ADAMTSL1: variants seen among roughly 807,000 people sequenced by gnomAD.
ADAMTSL1 encodes ADAMTS like 1.
ADAMTSL1 carries 126 observed loss-of-function variants against 201.8 expected under a neutral mutation model. The observed-to-expected ratio is 0.62, with a 90% CI of 0.54 to 0.72. The LOEUF (loss-of-function observed/expected upper bound fraction) is 0.72, where lower values mean the gene tolerates loss of function less well. Ranked by LOEUF, ADAMTSL1 falls within the 30% of genes least tolerant of loss-of-function variation. The pLI, the probability that ADAMTSL1 is intolerant of heterozygous loss-of-function variation, is 0.00. For synonymous variants in ADAMTSL1, 1,121 were observed against 903.4 expected (o/e 1.24, Z -4.32); for missense variants, 2,679 against 2,277.8 (o/e 1.18, Z -3.59).
At chr9:18,355,248 A>C (rs892282351) in intron 2 of ADAMTSL1, among the ~76,000 whole-genome samples, 3 of 152,202 alleles carry the variant, frequency 2.0e-5, no homozygotes, top group Non-Finnish European at 2.9e-5. Context: ...AGTTATTTGA[A>C]GGTCCTTCAA....
At chr9:18,386,048 T>A (rs1379540584) in intron 2 of ADAMTSL1, among the ~76,000 whole-genome samples, 1 of 152,206 alleles carries the variant, frequency 6.6e-6, no homozygotes, top group South Asian at 2.1e-4. Flanking sequence ...CCGAAAACCA[T>A]TAATTCATCA....
chr9:18,330,570 C>T (rs956953460), intron 2 of ADAMTSL1, among the ~76,000 whole-genome samples: 1 of 152,086 alleles, frequency 6.6e-6, no homozygotes, highest in African/African-American at 2.4e-5. Context: ...TGTTGTATGC[C>T]AAGTGTGTGC....
rs1823862218 is a variant in ADAMTSL1, at chr9:18,816,583, A to C, written c.3806-526A>C. Among the ~76,000 whole-genome samples the C allele has an allele frequency of 3.3e-5, 5 of 152,224 alleles. No individual in the cohort carries two copies. The South Asian group carries it at 1.0e-3, about 32-fold the overall frequency. On this transcript the variant is annotated intron_variant, in intron 20 of 28. Transcript: ENST00000380548. ...TGCAAGTGAGTCTACAATTACCTTA[A>C]AGTGAAAAAATTTAATTTTAAAAAA...
At chr9:18,440,500 T>A (rs1167696435) in intron 2 of ADAMTSL1, among the ~76,000 whole-genome samples, 4 of 151,808 alleles carry the variant, frequency 2.6e-5, no homozygotes, top group African/African-American at 9.7e-5. Context: ...ATGCTGTAAT[T>A]GGCCTAACAG....
At chr9:18,205,143 T>C (rs745919265) in intron 2 of ADAMTSL1, among the ~76,000 whole-genome samples, 3 of 152,140 alleles carry the variant, frequency 2.0e-5, no homozygotes, top group Non-Finnish European at 4.4e-5. Context: ...CCTATTTTAT[T>C]AATGAGATCT....
At chr9:18,460,564 A>G (rs1820772059) in intron 2 of ADAMTSL1, among the ~76,000 whole-genome samples, 1 of 152,194 alleles carries the variant, frequency 6.6e-6, no homozygotes. Flanking sequence ...CTGATTTAAT[A>G]GGGGGGAAAT....
chr9:18,760,490 ATAGAC>A (rs2133657778), intron 16 of ADAMTSL1, among the ~76,000 whole-genome samples: 1 of 152,346 alleles, frequency 6.6e-6, no homozygotes, highest in East Asian at 1.9e-4. Flanking sequence ...GCAGTGTTAC[ATAGAC>A]TTATTTTACC....
intron 1 of ADAMTSL1, among the ~76,000 whole-genome samples, chr9:18,052,910 T>A (rs2131672490): frequency 6.6e-6 from 1 of 152,322 alleles, no homozygotes. Flanking sequence ...CATGGTCACC[T>A]ACTTTTTTTT....
At chr9:18,591,384 C>T (rs999412484) in intron 4 of ADAMTSL1, among the ~76,000 whole-genome samples, 1 of 152,076 alleles carries the variant, frequency 6.6e-6, no homozygotes, top group Non-Finnish European at 1.5e-5. Flanking sequence ...TTTTCCCATC[C>T]CTTCACTTTC....
intron 2 of ADAMTSL1, among the ~76,000 whole-genome samples, chr9:18,282,217 A>G (rs1832817978): frequency 6.6e-6 from 1 of 152,144 alleles, no homozygotes; most frequent in Non-Finnish European, 1.5e-5. Flanking sequence ...TACCTGATCC[A>G]TCCGTGTTGC....
chr9:18,436,503 G>A (rs1470282221), intron 2 of ADAMTSL1, among the ~76,000 whole-genome samples: 3 of 151,980 alleles, frequency 2.0e-5, no homozygotes, highest in Non-Finnish European at 4.4e-5. Context: ...CACCACGTTG[G>A]CTCCCTTTAT....
intron 20 of ADAMTSL1, among the ~76,000 whole-genome samples, chr9:18,806,795 T>G (rs189623547): frequency 1.3e-5 from 2 of 152,324 alleles, no homozygotes; most frequent in East Asian, 3.9e-4. Context: ...GTCCTCATCC[T>G]TCAGGATCAA....
chr9:18,312,434 G>A (rs947666529), intron 2 of ADAMTSL1, among the ~76,000 whole-genome samples: 24 of 152,198 alleles, frequency 1.6e-4, no homozygotes, highest in African/African-American at 5.8e-4. Context: ...ATTAAAATGA[G>A]AGCAGGAGTT....
At chr9:18,213,874 G>A (rs943077366) in intron 2 of ADAMTSL1, among the ~76,000 whole-genome samples, 3 of 152,154 alleles carry the variant, frequency 2.0e-5, no homozygotes, top group African/African-American at 4.8e-5. Flanking sequence ...CGAGTAGCTG[G>A]GATTACACGC....
intron 2 of ADAMTSL1, among the ~76,000 whole-genome samples, chr9:18,375,814 C>T (rs766115240): frequency 5.3e-5 from 8 of 152,200 alleles, no homozygotes; most frequent in Non-Finnish European, 8.8e-5. Flanking sequence ...CCATGTCCTG[C>T]CGATTGGCCC....
At position 18,568,741 on chromosome 9, in the gene ADAMTSL1, TC is replaced by T. The variant is rs71333045; in HGVS notation, c.238-5288del. 3.4e-4 allele frequency among the ~76,000 whole-genome samples: 49 copies of T among 145,474 alleles called. 1 individual carries two copies. The highest frequency in any genetic ancestry group is 1.1e-3 in the African/African-American group (42 of 39,570). The stretch of plus-strand genomic sequence containing the variant: ...AGAAGCATGGATTTTTTTTTTTTTT[TC>T]GGTTACTACAGTACATGTAGTCATC... On this transcript the variant is annotated intron_variant, in intron 3 of 28. Transcript: ENST00000380548.
intron 9 of ADAMTSL1, among the ~76,000 whole-genome samples, chr9:18,663,239 A>C (rs1165104670): frequency 6.6e-6 from 1 of 152,166 alleles, no homozygotes; most frequent in African/African-American, 2.4e-5. Flanking sequence ...TAATTAATTC[A>C]CAGGAACCAT....
intron 2 of ADAMTSL1, among the ~76,000 whole-genome samples, chr9:18,435,217 A>G (rs1418538800): frequency 3.3e-5 from 5 of 152,208 alleles, no homozygotes; most frequent in Admixed American, 6.5e-5. Context: ...CTTATATTAG[A>G]TACTTTAGGA....
intron 1 of ADAMTSL1, among the ~76,000 whole-genome samples, chr9:18,085,141 G>A (rs1008350354): frequency 2.0e-5 from 3 of 152,040 alleles, no homozygotes; most frequent in Non-Finnish European, 2.9e-5. Context: ...AAATTAATAG[G>A]GAATGTGTAG....
Sources: allele counts gnomAD v4.1 joint callset (sites outside exome capture counted in the v4.1 genomes callset), GRCh38; gene constraint gnomAD v4.1.1; transcripts MANE v1.5; gene names NCBI Gene and HGNC (gene_info 2026-07-23, HGNC 2026-07-21).